KCTD16: variants seen among roughly 807,000 people sequenced by gnomAD.
KCTD16 encodes BTB/POZ domain-containing protein KCTD16.
KCTD16 carries 13 observed loss-of-function variants against 33.2 expected under a neutral mutation model. The ratio of observed to expected loss-of-function variants is 0.39; its 90% CI spans 0.25 to 0.62. The LOEUF is 0.62. KCTD16 is among the 20% of genes least tolerant of loss of function. KCTD16 has a pLI of 0.50. For missense variants in KCTD16, 441 were observed against 525.1 expected (o/e 0.84, Z 1.57); for synonymous variants, 197 against 195.3 (o/e 1.01, Z -0.07).
chr5:144,456,036 G>T (rs1485959866), intron 3 of KCTD16, among the ~76,000 whole-genome samples: 2 of 152,080 alleles, frequency 1.3e-5, no homozygotes, highest in African/African-American at 2.4e-5. Context: ...TACCACACTT[G>T]CATGATCTTC....
intron 3 of KCTD16, among the ~76,000 whole-genome samples, chr5:144,316,508 CTTTT>C (rs398050808): frequency 5.0e-5 from 6 of 119,958 alleles, no homozygotes; most frequent in Admixed American, 4.6e-4. Flanking sequence ...TGTTTTTTGT[CTTTT>C]TTTTTTTTTT....
At chr5:144,344,368 T>TTAGAC (rs1561574683) in intron 3 of KCTD16, among the ~76,000 whole-genome samples, 1 of 105,926 alleles carries the variant, frequency 9.4e-6, no homozygotes, top group African/African-American at 4.2e-5. Context: ...TGGGATCTAA[T>TTAGAC]TAAAGAGCTT....
chr5:144,316,469 G>A (rs1178378726), intron 3 of KCTD16, among the ~76,000 whole-genome samples: 1 of 150,586 alleles, frequency 6.6e-6, no homozygotes, highest in South Asian at 2.1e-4. Flanking sequence ...CTACTACCCT[G>A]CGTAATTTTT....
At chr5:144,372,324 A>C (rs1751987056) in intron 3 of KCTD16, among the ~76,000 whole-genome samples, 1 of 152,172 alleles carries the variant, frequency 6.6e-6, no homozygotes, top group African/African-American at 2.4e-5. Flanking sequence ...TTCCAATAAA[A>C]GTTGGCTATT....
intron 3 of KCTD16, among the ~76,000 whole-genome samples, chr5:144,387,920 C>T (rs1236295404): frequency 6.6e-6 from 1 of 151,952 alleles, no homozygotes; most frequent in Non-Finnish European, 1.5e-5. Flanking sequence ...AGTAATTTGC[C>T]TAAGGACACA....
chr5:144,233,085 G>C (rs1481417348), intron 3 of KCTD16, among the ~76,000 whole-genome samples: 1 of 151,650 alleles, frequency 6.6e-6, no homozygotes, highest in African/African-American at 2.4e-5. Flanking sequence ...TTTTTTTTCA[G>C]GCAGATCGAG....
rs1328547347 is a variant in KCTD16 at position 144,484,160 on chromosome 5, C to A, written c.*10046C>A. The A allele has an allele frequency of 6.6e-6, 1 of 151,834 alleles. No homozygotes were observed. The highest frequency in any genetic ancestry group is 1.9e-4 in the East Asian group (1 of 5,158). 9.4% of individuals were successfully genotyped at this position (151,834 alleles called of 1,614,324 possible). A position where few individuals can be genotyped will look rare whatever the true frequency, so the allele number is the denominator to read the frequency against. ...GACAAACTAATGTATTTTTGTAAAT[C>A]ATGGGTGGCGGATGTCAAAATCTCT... On this transcript the variant is annotated 3_prime_UTR_variant, in exon 4 of 4. Coordinates refer to ENST00000512467, the MANE Select transcript of KCTD16 (RefSeq NM_020768.4).
At chr5:144,414,294 TA>T (rs1752999231) in intron 3 of KCTD16, among the ~76,000 whole-genome samples, 1 of 152,164 alleles carries the variant, frequency 6.6e-6, no homozygotes, top group Admixed American at 6.5e-5. Flanking sequence ...ATTAATAGTA[TA>T]AAAAGTGCTA....
At chr5:144,272,451 G>T (rs924002003) in intron 3 of KCTD16, among the ~76,000 whole-genome samples, 4 of 151,864 alleles carry the variant, frequency 2.6e-5, no homozygotes, top group Non-Finnish European at 4.4e-5. Flanking sequence ...AAGAAAGAGA[G>T]AAAAAGTCCT....
At chr5:144,344,844 C>T (rs1370834808) in intron 3 of KCTD16, among the ~76,000 whole-genome samples, 1 of 150,640 alleles carries the variant, frequency 6.6e-6, no homozygotes, top group Non-Finnish European at 1.5e-5. Flanking sequence ...ACCCAGCCAT[C>T]CCATTTCTGG....
chr5:144,423,185 A>G lies in KCTD16; in HGVS notation c.833-50475A>G, dbSNP rs144398285. On this transcript the variant is annotated intron_variant, in intron 3 of 3. Transcript: ENST00000512467. ...TTTGCTAGAGTGAAGTGATTGAGGAAGGGAGTGGTAGATGATAAGCTTTGA... is the reference window on the plus strand; with the variant it reads ...TTTGCTAGAGTGAAGTGATTGAGGAGGGGAGTGGTAGATGATAAGCTTTGA... 1.1e-3 allele frequency among the ~76,000 whole-genome samples: 172 copies of G among 152,216 alleles called. 1 individual carries two copies. Among genetic ancestry groups the G allele is most frequent in the African/African-American group, 3.9e-3 (161 of 41,550 alleles).
rs757167871 is a variant in KCTD16 at position 144,473,977 on chromosome 5, G to T, written c.1150G>T (p.Ala384Ser). 6.2e-7 allele frequency: 1 copy of T among 1,613,954 alleles called. No individual in the cohort carries two copies. Among genetic ancestry groups the T allele is most frequent in the Non-Finnish European group, 8.5e-7 (1 of 1,179,946 alleles). The part of the protein sequence containing the change: ...RESNMSSKKK[A>S]VKEKLSIEEE... ...ATCGAACATGAGCAGCAAAAAAAAA[G>T]CTGTTAAAGAAAAGCTCTCAATTGA... The change falls in exon 4 of 4, where the codon GCT becomes TCT. Residue 384 changes from alanine to serine, a missense_variant. Around this residue, in one of 3 missense-constraint regions of KCTD16, gnomAD observed 355 missense variants for 413.0 expected, o/e 0.86. Transcript: ENST00000512467.
At chr5:144,228,602 G>A (rs1754003672) in intron 3 of KCTD16, among the ~76,000 whole-genome samples, 1 of 152,068 alleles carries the variant, frequency 6.6e-6, no homozygotes. Flanking sequence ...GAGAGAAAAA[G>A]AGAATTTTTT....
chr5:144,397,394 A>G (rs1969155), intron 3 of KCTD16, among the ~76,000 whole-genome samples: 11 of 152,038 alleles, frequency 7.2e-5, no homozygotes, highest in Non-Finnish European at 1.5e-4. Context: ...ACGTGTGCAT[A>G]TGTCTTTATA....
chr5:144,313,875 C>G (rs1234496145), intron 3 of KCTD16, among the ~76,000 whole-genome samples: 1 of 152,084 alleles, frequency 6.6e-6, no homozygotes, highest in African/African-American at 2.4e-5. Context: ...CTGCAGCATG[C>G]CAGGCACTGT....
intron 3 of KCTD16, among the ~76,000 whole-genome samples, chr5:144,371,123 A>G (rs773592501): frequency 1.3e-5 from 2 of 152,010 alleles, no homozygotes; most frequent in Non-Finnish European, 2.9e-5. Flanking sequence ...TTCTCCCTTT[A>G]AAGTCTAAGA....
At chr5:144,233,087 C>A (rs1754152363) in intron 3 of KCTD16, among the ~76,000 whole-genome samples, 1 of 151,812 alleles carries the variant, frequency 6.6e-6, no homozygotes, top group Non-Finnish European at 1.5e-5. Flanking sequence ...TTTTTTCAGG[C>A]AGATCGAGTC....
intron 3 of KCTD16, among the ~76,000 whole-genome samples, chr5:144,442,758 C>T (rs1753741574): frequency 1.3e-5 from 2 of 152,052 alleles, no homozygotes; most frequent in African/African-American, 4.8e-5. Context: ...AAGTTCAGCT[C>T]CCTCAGGTAG....
chr5:144,279,506 A>G (rs1383875715), intron 3 of KCTD16, among the ~76,000 whole-genome samples: 1 of 152,228 alleles, frequency 6.6e-6, no homozygotes, highest in Non-Finnish European at 1.5e-5. Context: ...ACAAAATACC[A>G]CAGACTGGGT....
Sources: gnomAD v4.1 joint callset for allele counts (sites outside exome capture counted in the v4.1 genomes callset) on GRCh38, gnomAD v4.1.1 for gene constraint, gnomAD v4.1.1 regional missense constraint, MANE v1.5 for transcripts, NCBI Gene and HGNC (gene_info 2026-07-23, HGNC 2026-07-21) for gene names.